Variants in MTRR observed in about 807,000 individuals in gnomAD.
MTRR encodes the protein methionine synthase reductase.
MTRR carries 63 observed loss-of-function variants against 79.2 expected under a neutral mutation model. The ratio of observed to expected loss-of-function variants is 0.80; its 90% CI spans 0.65 to 0.98. The LOEUF (loss-of-function observed/expected upper bound fraction) is 0.98. Ranked by LOEUF, MTRR falls within the 50% of genes least tolerant of loss-of-function variation. The pLI, the probability that MTRR is intolerant of heterozygous loss-of-function variation, is 0.00. For missense variants in MTRR, 895 were observed against 839.6 expected, an observed-to-expected ratio of 1.07 and a Z score of -0.82; for synonymous variants, 355 against 313.3, an observed-to-expected ratio of 1.13 and a Z score of -1.41.
chr5:7,862,510 C>T (rs1290072971), intron 2 of MTRR, among the ~76,000 whole-genome samples: 1 of 152,076 alleles, frequency 6.6e-6, no homozygotes, highest in Admixed American at 6.5e-5. Context: ...TCCTACGTTC[C>T]AGGTACTATT....
intron 7 of MTRR, among the ~76,000 whole-genome samples, chr5:7,886,297 C>T (rs1314961741): frequency 6.6e-6 from 1 of 151,874 alleles, no homozygotes; most frequent in Non-Finnish European, 1.5e-5. Flanking sequence ...TGAAGTAGTC[C>T]TAAATTGATT....
At chr5:7,885,325 G>A (rs542067864) in intron 6 of MTRR, 57 of 216,240 alleles carry the variant, frequency 2.6e-4, no homozygotes, top group Non-Finnish European at 4.5e-4. Context: ...CATAATGTAT[G>A]TTTTCGTGTG....
At position 7,873,489 on chromosome 5, in the gene MTRR, G is replaced by T; in HGVS notation, c.246G>T (p.Pro82=). Residue 82 remains proline (P), a synonymous_variant, in exon 3 of 15, where the codon CCG becomes CCT. Coordinates refer to ENST00000440940, the MANE Select transcript of MTRR (RefSeq NM_002454.3). ...AGGAAATACAGAACCAAACACTGCC[G>T]GTTGATTTCTTTGCTCACCTGCGGT... ...FVKEIQNQTL[P]VDFFAHLRYG... 6.2e-7 allele frequency: 1 copy of T among 1,614,088 alleles called. No homozygotes were observed. The highest frequency in any genetic ancestry group is 8.5e-7 in the Non-Finnish European group (1 of 1,180,016).
intron 3 of MTRR, among the ~76,000 whole-genome samples, chr5:7,873,893 C>G (rs1255968466): frequency 1.3e-5 from 2 of 152,192 alleles, no homozygotes; most frequent in African/African-American, 2.4e-5. Flanking sequence ...CAAAACAAAA[C>G]ACTCCCAATG....
intron 11 of MTRR, among the ~76,000 whole-genome samples, chr5:7,894,790 C>T (rs1738225815): frequency 6.6e-6 from 1 of 152,138 alleles, no homozygotes; most frequent in African/African-American, 2.4e-5. Flanking sequence ...CTTTTCCTTC[C>T]ACTAGAATGT....
chr5:7,852,476 T>C (rs1746105847), intron 1 of MTRR, among the ~76,000 whole-genome samples: 1 of 152,132 alleles, frequency 6.6e-6, no homozygotes, highest in African/African-American at 2.4e-5. Context: ...TTTTGCTCCA[T>C]GGCCAGGCAG....
chr5:7,896,609 G>A, intron 12 of MTRR: 1 of 547,772 alleles, frequency 1.8e-6, no homozygotes, highest in Middle Eastern at 5.1e-4. Context: ...ATCTCACAGT[G>A]TGATACTTTG....
Position 7,883,245 on chromosome 5 carries a change from A to C in MTRR, c.871A>C (p.Lys291Gln), listed in dbSNP as rs138790346. Reference sequence around the variant, plus strand: ...TCAACTTACTACGAATGATGCCATAAAAACCACTCTGCTGGTAGAATTGGA... The same window carrying C: ...TCAACTTACTACGAATGATGCCATACAAACCACTCTGCTGGTAGAATTGGA... ...AVQLTTNDAIKTTLLVELDIS... is the reference protein window; with the variant it reads ...AVQLTTNDAIQTTLLVELDIS... The change falls in exon 6 of 15, where the codon AAA becomes CAA. Residue 291 changes from lysine (K) to glutamine (Q), a missense_variant. By Grantham distance (53) the Lys-to-Gln change is moderately conservative (BLOSUM62 1). Transcript: ENST00000440940. The C allele has an allele frequency of 7.4e-6, 12 of 1,614,144 alleles. No homozygotes were observed. The African/African-American group carries it at 1.3e-4, about 18-fold the overall frequency.
At chr5:7,879,105 G>T (rs1435442527) in intron 5 of MTRR, among the ~76,000 whole-genome samples, 1 of 152,050 alleles carries the variant, frequency 6.6e-6, no homozygotes, top group Non-Finnish European at 1.5e-5. Flanking sequence ...TCTTTCTAAA[G>T]CTTTCATGTA....
At chr5:7,881,437 A>AAGGG (rs1292129092) in intron 5 of MTRR, among the ~76,000 whole-genome samples, 2 of 151,980 alleles carry the variant, frequency 1.3e-5, no homozygotes, top group African/African-American at 4.8e-5. Flanking sequence ...CAGATGCGAG[A>AAGGG]AGGGAGTTCT....
intron 6 of MTRR, 109 bp downstream of exon 6, chr5:7,883,386 T>A (rs1244859911): frequency 9.8e-6 from 14 of 1,429,152 alleles, no homozygotes; most frequent in Non-Finnish European, 1.4e-5. Context: ...TGGTTACATA[T>A]GCTGAGTTGT....
In MTRR at chr5:7,875,251, T is replaced by C; in HGVS notation, c.284-7T>C. 1 of 1,579,786 alleles carries C rather than the reference T, an allele frequency of 6.3e-7. No homozygotes were observed. Among genetic ancestry groups the C allele is most frequent in the Non-Finnish European group, 8.7e-7 (1 of 1,148,874 alleles). On this transcript the variant is annotated splice_polypyrimidine_tract_variant and splice_region_variant and intron_variant, in intron 3 of 14. Coordinates refer to ENST00000440940, the MANE Select transcript of MTRR (RefSeq NM_002454.3). ...TTGTGCATTAATTATGTATTTGGGT[T>C]CTCTAGGTCTCGGTGATTCAGAATA...
chr5:7,873,151 G>A (rs1453004600), intron 2 of MTRR, among the ~76,000 whole-genome samples: 1 of 152,180 alleles, frequency 6.6e-6, no homozygotes, highest in Non-Finnish European at 1.5e-5. Flanking sequence ...ACCTCTTGAT[G>A]AGCATCAACA....
intron 5 of MTRR, among the ~76,000 whole-genome samples, chr5:7,880,369 G>C (rs1035617688): frequency 1.3e-5 from 2 of 152,214 alleles, no homozygotes; most frequent in Non-Finnish European, 2.9e-5. Flanking sequence ...TTTAGTGATA[G>C]GGTTGGGAAG....
chr5:7,886,477 G>A, intron 7 of MTRR, 138 bp from the exon 8 acceptor site: 1 of 710,722 alleles, frequency 1.4e-6, no homozygotes, highest in Non-Finnish European at 2.5e-6. Flanking sequence ...TTTTTTGGCT[G>A]AATAAACATT....
In MTRR at chr5:7,895,786, C is replaced by CA. The variant is rs757800887; in HGVS notation, c.1612dup (p.Ile538AsnfsTer22). The CA allele has an allele frequency of 6.2e-7, 1 of 1,614,110 alleles. No homozygotes were observed. The highest frequency in any genetic ancestry group is 1.1e-5 in the South Asian group (1 of 91,080). On this transcript the variant is annotated frameshift_variant, in exon 12 of 15. Transcript: ENST00000440940. LOFTEE classifies it high-confidence loss of function. Reference sequence around the variant, plus strand: ...TCTTTCCACTTACCAGATGACCCCTCAATCCCCATCATAATGGTGGGTCCA... The same window carrying CA: ...TCTTTCCACTTACCAGATGACCCCTCAAATCCCCATCATAATGGTGGGTCCA...
At chr5:7,867,279 T>C, upstream of MTRR, 1 of 1,613,792 alleles carries the variant, frequency 6.2e-7, no homozygotes, top group South Asian at 1.1e-5. Context: ...TCATCCACTT[T>C]TTCAGTACAT....
At chr5:7,851,068 C>A (rs161874), upstream of MTRR, 203,784 of 1,234,978 alleles carry the variant, frequency 0.17, 17,594 homozygotes, top group Non-Finnish European at 0.18. Flanking sequence ...CCGTCCCGCC[C>A]GCCCAGGGGC....
intron 4 of MTRR, among the ~76,000 whole-genome samples, chr5:7,877,503 C>CAAAAAA (rs11324670): frequency 9.9e-6 from 1 of 100,512 alleles, no homozygotes; most frequent in Admixed American, 9.9e-5. Context: ...ATTGGCTAGG[C>CAAAAAA]AAAAAAAAAA....
Sources: gnomAD v4.1 joint callset for allele counts (sites outside exome capture counted in the v4.1 genomes callset) on GRCh38, gnomAD v4.1.1 for gene constraint, MANE v1.5 for transcripts, NCBI Gene and HGNC (gene_info 2026-07-23, HGNC 2026-07-21) for gene names.